SGCD: variants seen among roughly 807,000 people sequenced by gnomAD.
SGCD encodes delta-sarcoglycan.
A neutral mutation model predicts 36.6 loss-of-function variants in SGCD; 18 were observed. The observed-to-expected ratio is 0.49, with a 90% CI of 0.34 to 0.73. The LOEUF is 0.73. Ranked by LOEUF, SGCD falls within the 30% of genes least tolerant of loss-of-function variation. SGCD has a pLI of 0.01. For synonymous variants in SGCD, 133 were observed against 130.6 expected, an observed-to-expected ratio of 1.02 and a Z score of -0.12; for missense variants, 387 against 346.7, an observed-to-expected ratio of 1.12 and a Z score of -0.92.
chr5:156,226,558 C>T (rs1261883264), intron 3 of SGCD, among the ~76,000 whole-genome samples: 23 of 152,092 alleles, frequency 1.5e-4, no homozygotes, highest in Admixed American at 1.5e-3. Flanking sequence ...CATATAATGA[C>T]TTCATTTCCT....
rs111525650 is a variant in SGCD, at chr5:156,703,073, A to T, written c.576-54508A>T. Reference sequence around the variant, plus strand: ...TTACCCCCACCCATGGGATTGGGGCAAGGGAAATTGACTCTGACATGATGT... The same window carrying T: ...TTACCCCCACCCATGGGATTGGGGCTAGGGAAATTGACTCTGACATGATGT... On this transcript the variant is annotated intron_variant, in intron 7 of 8. Transcript: ENST00000337851. Among the ~76,000 whole-genome samples the T allele has an allele frequency of 5.6e-3, 858 of 152,318 alleles. 14 individuals carry two copies. Among genetic ancestry groups the T allele is most frequent in the African/African-American group, 0.019 (809 of 41,576 alleles).
At chr5:156,258,726 C>A (rs1410008715) in intron 3 of SGCD, among the ~76,000 whole-genome samples, 1 of 152,114 alleles carries the variant, frequency 6.6e-6, no homozygotes, top group Non-Finnish European at 1.5e-5. Context: ...TGTTTTCACT[C>A]ATCAATTCTT....
At chr5:155,886,889 G>A (rs1756015910) in intron 1 of SGCD, among the ~76,000 whole-genome samples, 1 of 152,194 alleles carries the variant, frequency 6.6e-6, no homozygotes, top group South Asian at 2.1e-4. Context: ...AGTGAGCGCT[G>A]TGGTTCAGAA....
At chr5:156,278,122 T>G (rs1766364687) in intron 3 of SGCD, among the ~76,000 whole-genome samples, 1 of 152,158 alleles carries the variant, frequency 6.6e-6, no homozygotes. Flanking sequence ...AAGAACATTT[T>G]GGCAGAGGAA....
intron 1 of SGCD, among the ~76,000 whole-genome samples, chr5:155,981,090 C>A (rs1004264840): frequency 1.3e-5 from 2 of 152,070 alleles, no homozygotes; most frequent in Non-Finnish European, 2.9e-5. Context: ...TGGAGGAGGG[C>A]GGATCCAGCT....
chr5:156,755,189 A>G (rs11135381), intron 7 of SGCD, among the ~76,000 whole-genome samples: 22,593 of 152,084 alleles, frequency 0.15, 3,363 homozygotes, highest in African/African-American at 0.38. Context: ...TTGATTCTGA[A>G]AACGGAGAAG....
chr5:156,207,930 T>C (rs1023428802), intron 3 of SGCD, among the ~76,000 whole-genome samples: 3 of 152,168 alleles, frequency 2.0e-5, no homozygotes, highest in African/African-American at 7.2e-5. Flanking sequence ...TTACTTATAG[T>C]CTTCATCCAT....
intron 3 of SGCD, among the ~76,000 whole-genome samples, chr5:156,494,296 G>C (rs1756077857): frequency 6.6e-6 from 1 of 151,060 alleles, no homozygotes; most frequent in African/African-American, 2.4e-5. Flanking sequence ...TAAGTGATGG[G>C]ACCTGGACTC....
At chr5:156,007,273 A>G (rs1418646808) in intron 1 of SGCD, among the ~76,000 whole-genome samples, 1 of 152,100 alleles carries the variant, frequency 6.6e-6, no homozygotes, top group African/African-American at 2.4e-5. Context: ...GGATAACTCC[A>G]TTCCCCTGCT....
chr5:156,472,512 C>T (rs561304774), intron 3 of SGCD, among the ~76,000 whole-genome samples: 8 of 152,218 alleles, frequency 5.3e-5, no homozygotes, highest in South Asian at 2.1e-4. Flanking sequence ...CTGCCTCCTA[C>T]GTTCAAGCGA....
the SGCD span, among the ~76,000 whole-genome samples, chr5:155,744,768 G>GT: frequency 6.6e-6 from 1 of 152,154 alleles, no homozygotes; most frequent in African/African-American, 2.4e-5. Flanking sequence ...AAACTGAAAA[G>GT]TTTGTTCGAT....
rs561355512 is a variant in SGCD, at chr5:155,942,769, C to T, written c.-282+72345C>T. Among the ~76,000 whole-genome samples, 263 of 152,250 alleles carry T rather than the reference C, an allele frequency of 1.7e-3. 1 individual carries two copies. The Middle Eastern group carries it at 0.024, about 14-fold the overall frequency. On this transcript the variant is annotated intron_variant, in intron 1 of 9. Transcript: ENST00000517913. ...ACCTATCAAAATTCCTAGACACAGACATATGAACAAATAGGAAAATGTGAA... is the reference window on the plus strand; with the variant it reads ...ACCTATCAAAATTCCTAGACACAGATATATGAACAAATAGGAAAATGTGAA...
At chr5:156,698,418 A>G (rs1353281325) in intron 7 of SGCD, among the ~76,000 whole-genome samples, 3 of 152,228 alleles carry the variant, frequency 2.0e-5, no homozygotes, top group Admixed American at 2.0e-4. Flanking sequence ...CTACTAACTC[A>G]GTATCTCAAG....
At chr5:156,488,815 T>A (rs10866739) in intron 3 of SGCD, among the ~76,000 whole-genome samples, 1 of 151,998 alleles carries the variant, frequency 6.6e-6, no homozygotes. Flanking sequence ...AAGAGGGGAA[T>A]AATGGAACAA....
chr5:156,301,853 G>A (rs914875170), intron 3 of SGCD, among the ~76,000 whole-genome samples: 3 of 150,986 alleles, frequency 2.0e-5, no homozygotes, highest in Non-Finnish European at 4.4e-5. Context: ...TGGCCTGTAA[G>A]GTTTTCATTG....
At chr5:155,918,569 C>T (rs1373274539) in intron 1 of SGCD, among the ~76,000 whole-genome samples, 2 of 152,112 alleles carry the variant, frequency 1.3e-5, no homozygotes, top group Non-Finnish European at 1.5e-5. Context: ...TCTCAAAAGA[C>T]ATAAAAATAA....
At chr5:156,743,469 ATTAC>A (rs1756793488) in intron 7 of SGCD, among the ~76,000 whole-genome samples, 1 of 152,134 alleles carries the variant, frequency 6.6e-6, no homozygotes, top group African/African-American at 2.4e-5. Flanking sequence ...AACTCATAAA[ATTAC>A]TTTCTTTCTA....
At chr5:156,625,803 G>A (rs2113515053) in intron 6 of SGCD, among the ~76,000 whole-genome samples, 1 of 152,292 alleles carries the variant, frequency 6.6e-6, no homozygotes, top group Admixed American at 6.5e-5. Flanking sequence ...ATATGTCTAG[G>A]TTGTTTGATG....
chr5:155,846,729 A>G, the SGCD span, among the ~76,000 whole-genome samples: 1 of 152,198 alleles, frequency 6.6e-6, no homozygotes, highest in Non-Finnish European at 1.5e-5. Context: ...TTCTCTGTAT[A>G]ACACAAAGTA....
Sources: allele counts gnomAD v4.1 joint callset (sites outside exome capture counted in the v4.1 genomes callset), GRCh38; gene constraint gnomAD v4.1.1; transcripts MANE v1.5; gene names NCBI Gene and HGNC (gene_info 2026-07-23, HGNC 2026-07-21).